Variants in GRM7 observed in about 807,000 individuals in gnomAD.
GRM7 encodes the protein glutamate metabotropic receptor 7, also known as metabotropic glutamate receptor 7.
GRM7 carries 35 observed loss-of-function variants against 84.5 expected under a neutral mutation model. That is an observed-to-expected ratio of 0.41 (90% CI 0.32 to 0.55). The LOEUF (loss-of-function observed/expected upper bound fraction) is 0.55. GRM7 is among the 20% of genes least tolerant of loss of function. The probability of loss-of-function intolerance (pLI) is 0.19; values close to 1 mark genes in which losing one functional copy is unlikely to be tolerated. For missense variants in GRM7, 1,003 were observed against 1,194.6 expected (o/e 0.84, Z 2.36); for synonymous variants, 487 against 455.1 (o/e 1.07, Z -0.89).
At chr3:6,914,630 A>G (rs1575008119) in intron 1 of GRM7, among the ~76,000 whole-genome samples, 1 of 152,030 alleles carries the variant, frequency 6.6e-6, no homozygotes, top group African/African-American at 2.4e-5. Flanking sequence ...CTCAAACTCC[A>G]GACCTCATGA....
intron 7 of GRM7, among the ~76,000 whole-genome samples, chr3:7,515,746 A>G (rs1272492552): frequency 1.3e-5 from 2 of 152,146 alleles, no homozygotes; most frequent in African/African-American, 2.4e-5. Flanking sequence ...AGAACGCCAT[A>G]ATCTCAGGCT....
chr3:7,043,459 C>G (rs1574828561), intron 1 of GRM7, among the ~76,000 whole-genome samples: 1 of 152,184 alleles, frequency 6.6e-6, no homozygotes. Context: ...AGACTCATCC[C>G]ATTCATTCCT....
At chr3:7,464,511 C>A (rs1480251598) in intron 7 of GRM7, among the ~76,000 whole-genome samples, 1 of 152,008 alleles carries the variant, frequency 6.6e-6, no homozygotes, top group Admixed American at 6.6e-5. Flanking sequence ...GCAGAGAACC[C>A]AAGGCCTTGA....
At chr3:7,009,209 T>A (rs73025878) in intron 1 of GRM7, among the ~76,000 whole-genome samples, 1 of 152,344 alleles carries the variant, frequency 6.6e-6, no homozygotes, top group Non-Finnish European at 1.5e-5. Context: ...TTGAATTTAG[T>A]AAGTTTTCAT....
At chr3:6,939,284 A>G (rs1365282956) in intron 1 of GRM7, among the ~76,000 whole-genome samples, 2 of 152,184 alleles carry the variant, frequency 1.3e-5, no homozygotes, top group Non-Finnish European at 2.9e-5. Flanking sequence ...TTTGTGAGTC[A>G]TGTGGTAGTG....
chr3:7,448,764 A>T (rs1357161516), intron 5 of GRM7, among the ~76,000 whole-genome samples: 2 of 152,132 alleles, frequency 1.3e-5, no homozygotes, highest in Non-Finnish European at 2.9e-5. Context: ...TGAGAGAGGG[A>T]TAAAGCCTGC....
chr3:7,222,132 A>G (rs895371077), intron 2 of GRM7, among the ~76,000 whole-genome samples: 4 of 152,088 alleles, frequency 2.6e-5, no homozygotes, highest in Admixed American at 1.3e-4. Context: ...AAGTCTTAAA[A>G]AAAACCAGCC....
chr3:6,894,527 A>G (rs985682149), intron 1 of GRM7, among the ~76,000 whole-genome samples: 4 of 152,138 alleles, frequency 2.6e-5, no homozygotes, highest in South Asian at 2.1e-4. Context: ...ATACATTGTA[A>G]TTGTAATATA....
chr3:7,226,763 TC>T (rs1196701714), intron 2 of GRM7, among the ~76,000 whole-genome samples: 1 of 152,216 alleles, frequency 6.6e-6, no homozygotes, highest in Non-Finnish European at 1.5e-5. Context: ...TCCCCATTTA[TC>T]TACTTTGTTA....
At chr3:7,445,214 A>G (rs1014741323) in intron 5 of GRM7, among the ~76,000 whole-genome samples, 9 of 152,218 alleles carry the variant, frequency 5.9e-5, no homozygotes, top group African/African-American at 2.2e-4. Flanking sequence ...ATGAACTTTT[A>G]GATTACTTAT....
At chr3:6,958,358 A>G (rs571669540) in intron 1 of GRM7, among the ~76,000 whole-genome samples, 6 of 151,922 alleles carry the variant, frequency 3.9e-5, no homozygotes, top group Admixed American at 3.9e-4. Context: ...TTGATAAATT[A>G]TTTACTTTTT....
At position 7,175,606 on chromosome 3, in the gene GRM7, C is replaced by T. The variant is rs148769089; in HGVS notation, c.736+28938C>T. On this transcript the variant is annotated intron_variant, in intron 2 of 9. Transcript: ENST00000357716. ...AGGCTAGAGTGCAGTGGTGTGATCT[C>T]GGCTCACTGCAACCTCTGCCTCCAG... 9.5e-3 allele frequency among the ~76,000 whole-genome samples: 1,440 copies of T among 151,550 alleles called. 17 individuals carry two copies. The highest frequency in any genetic ancestry group is 0.03 in the African/African-American group (1,257 of 41,278).
chr3:7,450,266 A>G (rs916440038), intron 5 of GRM7, among the ~76,000 whole-genome samples: 3 of 152,154 alleles, frequency 2.0e-5, no homozygotes, highest in African/African-American at 7.2e-5. Context: ...GACACAAATT[A>G]AAGTTCGACA....
chr3:7,214,700 A>G (rs73126274), intron 2 of GRM7, among the ~76,000 whole-genome samples: 2,985 of 152,348 alleles, frequency 0.02, 84 homozygotes, highest in African/African-American at 0.068. Context: ...TTCCTGAGGC[A>G]GACTATAAGG....
chr3:7,699,984 G>T (rs1453865664), intron 9 of GRM7, among the ~76,000 whole-genome samples: 1 of 152,106 alleles, frequency 6.6e-6, no homozygotes, highest in East Asian at 1.9e-4. Flanking sequence ...CCCTCTGTAA[G>T]CAAGTTATTT....
intron 1 of GRM7, among the ~76,000 whole-genome samples, chr3:7,145,559 A>G (rs913450062): frequency 6.6e-6 from 1 of 152,174 alleles, no homozygotes; most frequent in African/African-American, 2.4e-5. Flanking sequence ...GACTACTCAC[A>G]TAGCCCAATT....
chr3:7,073,397 C>T (rs1377727952), intron 1 of GRM7, among the ~76,000 whole-genome samples: 2 of 152,078 alleles, frequency 1.3e-5, no homozygotes, highest in Non-Finnish European at 2.9e-5. Context: ...CTGGAAGACA[C>T]TCACAGTGTC....
At chr3:7,459,732 C>T (rs1189847330) in intron 6 of GRM7, among the ~76,000 whole-genome samples, 2 of 152,046 alleles carry the variant, frequency 1.3e-5, no homozygotes, top group East Asian at 3.9e-4. Context: ...ATGGGAGCTA[C>T]AATTCAAGAT....
intron 1 of GRM7, among the ~76,000 whole-genome samples, chr3:7,082,718 G>A (rs1217365257): frequency 6.6e-6 from 1 of 152,120 alleles, no homozygotes; most frequent in African/African-American, 2.4e-5. Flanking sequence ...TACTTCATGA[G>A]AGGAAGTCAA....
Sources: gnomAD v4.1 joint callset for allele counts (sites outside exome capture counted in the v4.1 genomes callset) on GRCh38, gnomAD v4.1.1 for gene constraint, MANE v1.5 for transcripts, NCBI Gene and HGNC (gene_info 2026-07-23, HGNC 2026-07-21) for gene names.